ZUP1: variants seen among roughly 807,000 people sequenced by gnomAD.
The protein encoded by ZUP1 is zinc finger containing ubiquitin peptidase 1.
In ZUP1, 55 loss-of-function variants were observed where a neutral mutation model predicts 68.1. The ratio of observed to expected loss-of-function variants is 0.81; its 90% CI spans 0.65 to 1.01. ZUP1 has a LOEUF of 1.01. Among genes scored for constraint, ZUP1 ranks in the 50% least tolerant of loss-of-function variants. ZUP1 has a pLI of 0.00. For missense variants in ZUP1, 684 were observed against 674.9 expected (o/e 1.01, Z -0.15); for synonymous variants, 223 against 221.5 (o/e 1.01, Z -0.06).
intron 9 of ZUP1, among the ~76,000 whole-genome samples, chr6:116,636,803 T>A (rs1327881988): frequency 6.6e-6 from 1 of 152,146 alleles, no homozygotes; most frequent in Non-Finnish European, 1.5e-5. Context: ...TTGTTTTTAA[T>A]CCTACAATTT....
At chr6:116,636,761 T>C (rs1775920694) in intron 9 of ZUP1, among the ~76,000 whole-genome samples, 1 of 152,182 alleles carries the variant, frequency 6.6e-6, no homozygotes, top group African/African-American at 2.4e-5. Context: ...GTTATAAATA[T>C]GTATATTTTG....
intron 9 of ZUP1, among the ~76,000 whole-genome samples, chr6:116,637,592 A>T (rs1352215564): frequency 6.6e-6 from 1 of 152,206 alleles, no homozygotes; most frequent in Non-Finnish European, 1.5e-5. Flanking sequence ...TCCCACAAAC[A>T]ACTCCATTTC....
chr6:116,643,579 C>A (rs1187050643), intron 9 of ZUP1, among the ~76,000 whole-genome samples: 2 of 152,100 alleles, frequency 1.3e-5, no homozygotes, highest in African/African-American at 2.4e-5. Flanking sequence ...GAAAAACAAG[C>A]AATGGGGAAA....
intron 9 of ZUP1, among the ~76,000 whole-genome samples, chr6:116,644,444 G>A (rs1283682121): frequency 2.0e-5 from 3 of 152,196 alleles, no homozygotes; most frequent in African/African-American, 7.2e-5. Flanking sequence ...CAACCCAAAT[G>A]TCCAACAGTG....
intron 8 of ZUP1, 62 bp from the exon 9 acceptor site, chr6:116,645,996 C>T (rs1324488404): frequency 3.3e-5 from 39 of 1,194,162 alleles, no homozygotes; most frequent in Non-Finnish European, 4.1e-5. Flanking sequence ...CAAATAGTCT[C>T]TGTATGTATG....
rs748135247 is a variant in ZUP1, at chr6:116,666,998, T to C, written c.195A>G (p.Ile65Met). ...QNTLERNFER[I>M]NTVQYGTSDN... ...CTGAAGTTCCATATTGTACTGTATT[T>C]ATCCTCTCAAAGTTTCTTTCAAGTG... The change falls in exon 2 of 10, where the codon ATA (isoleucine) becomes ATG (methionine). Residue 65 changes from isoleucine to methionine, a missense_variant. Ile to Met is a conservative substitution (Grantham distance 10). Transcript: ENST00000368576. 1 of 1,613,660 alleles carries C rather than the reference T, an allele frequency of 6.2e-7. No individual in the cohort carries two copies. The highest frequency in any genetic ancestry group is 1.3e-5 in the African/African-American group (1 of 74,908).
In ZUP1 at chr6:116,644,328, C is replaced by T. The variant is rs561869636; in HGVS notation, c.1689+1386G>A. 2.0e-5 allele frequency among the ~76,000 whole-genome samples: 3 copies of T among 152,260 alleles called. 1 individual carries two copies. Among genetic ancestry groups the T allele is most frequent in the African/African-American group, 7.2e-5 (3 of 41,540 alleles). On this transcript the variant is annotated intron_variant, in intron 9 of 9. Coordinates refer to ENST00000368576, the MANE Select transcript of ZUP1 (RefSeq NM_145062.3). ...TAGAAATACCATTTGACCCAGCCATCCTATTACTGGGTATATACCCAAAGG... is the reference window on the plus strand; with the variant it reads ...TAGAAATACCATTTGACCCAGCCATTCTATTACTGGGTATATACCCAAAGG...
rs1777027881 is a variant in ZUP1, at chr6:116,666,915, G to C, written c.278C>G (p.Ser93Ter). The change falls in exon 2 of 10, where the codon TCA becomes TGA. Residue 93 changes from serine (S) to a stop codon, truncating the protein, a stop_gained. Coordinates refer to ENST00000368576, the MANE Select transcript of ZUP1 (RefSeq NM_145062.3). LOFTEE classifies it high-confidence loss of function. ...CGMEVNSSILSGCASNHPKNS... is the reference protein window; with the variant it reads ...CGMEVNSSIL ...TTTTGGATGATTAGATGCACAACCT[G>C]AAAGAATACTTGAATTAACTTCCAT... 3 of 1,612,638 alleles carry C rather than the reference G, an allele frequency of 1.9e-6. No homozygotes were observed. The highest frequency in any genetic ancestry group is 2.5e-6 in the Non-Finnish European group (3 of 1,179,620).
At chr6:116,649,589 T>A (rs973160059) in intron 7 of ZUP1, among the ~76,000 whole-genome samples, 10 of 152,196 alleles carry the variant, frequency 6.6e-5, no homozygotes, top group African/African-American at 2.4e-4. Context: ...AAAAGTTTGC[T>A]TAGAAGGCAA....
chr6:116,663,650 T>C (rs1053057500), intron 2 of ZUP1, among the ~76,000 whole-genome samples: 1 of 152,184 alleles, frequency 6.6e-6, no homozygotes, highest in African/African-American at 2.4e-5. Context: ...TTATTAAAAT[T>C]CGTTAACAGG....
At chr6:116,667,341 T>A in intron 1 of ZUP1, 134 bp from the exon 2 acceptor site, 1 of 460,684 alleles carries the variant, frequency 2.2e-6, no homozygotes, top group Non-Finnish European at 3.6e-6. Context: ...TTACTGTTCC[T>A]CAAATACAAA....
chr6:116,661,657 A>C (rs1351019202), intron 2 of ZUP1, among the ~76,000 whole-genome samples: 1 of 152,228 alleles, frequency 6.6e-6, no homozygotes, highest in African/African-American at 2.4e-5. Context: ...CCTAGCAGAT[A>C]AGGGACATAG....
intron 2 of ZUP1, among the ~76,000 whole-genome samples, chr6:116,661,578 T>C (rs982045343): frequency 2.6e-5 from 4 of 152,178 alleles, no homozygotes; most frequent in African/African-American, 9.7e-5. Context: ...GCTGCATCCA[T>C]CACATAGCAC....
chr6:116,653,483 T>C (rs1259657132), intron 5 of ZUP1, among the ~76,000 whole-genome samples: 1 of 151,858 alleles, frequency 6.6e-6, no homozygotes, highest in Admixed American at 6.6e-5. Context: ...CAATAAAAGA[T>C]CAATAAATAA....
At chr6:116,651,486 A>G in intron 7 of ZUP1, 86 bp downstream of exon 7, 1 of 1,179,580 alleles carries the variant, frequency 8.5e-7, no homozygotes, top group South Asian at 1.7e-5. Context: ...TTATTTTTAA[A>G]CTATCTCTTT....
At chr6:116,638,589 T>A (rs1775974718) in intron 9 of ZUP1, among the ~76,000 whole-genome samples, 1 of 152,210 alleles carries the variant, frequency 6.6e-6, no homozygotes, top group South Asian at 2.1e-4. Context: ...AAGGCCAATA[T>A]GAGTTAGGTC....
At position 116,639,835 on chromosome 6, in the gene ZUP1, G is replaced by A. The variant is rs538340098; in HGVS notation, c.1690-3956C>T. ...CACCAGCAACGGAACAAAGCTGGACGGAGAATGACTTTGACAAGTTGAGAG... is the reference window on the plus strand; with the variant it reads ...CACCAGCAACGGAACAAAGCTGGACAGAGAATGACTTTGACAAGTTGAGAG... On this transcript the variant is annotated intron_variant, in intron 9 of 9. Transcript: ENST00000368576. 9.6e-4 allele frequency among the ~76,000 whole-genome samples: 147 copies of A among 152,366 alleles called. 1 individual carries two copies. Among genetic ancestry groups the A allele is most frequent in the African/African-American group, 3.5e-3 (144 of 41,578 alleles).
intron 9 of ZUP1, among the ~76,000 whole-genome samples, chr6:116,645,404 A>T (rs1776259914): frequency 6.6e-6 from 1 of 151,812 alleles, no homozygotes; most frequent in Non-Finnish European, 1.5e-5. Flanking sequence ...ACCATGGTGA[A>T]ACCCCGTCTC....
At chr6:116,661,672 G>C (rs1247859935) in intron 2 of ZUP1, among the ~76,000 whole-genome samples, 1 of 152,198 alleles carries the variant, frequency 6.6e-6, no homozygotes, top group Non-Finnish European at 1.5e-5. Flanking sequence ...ACATAGAAGA[G>C]GGACCCAGAA....
Sources: allele counts gnomAD v4.1 joint callset (sites outside exome capture counted in the v4.1 genomes callset), GRCh38; gene constraint gnomAD v4.1.1; transcripts MANE v1.5; gene names NCBI Gene and HGNC (gene_info 2026-07-23, HGNC 2026-07-21).